Variants in NTM observed in about 807,000 individuals in gnomAD.
The protein encoded by NTM is neurotrimin.
Under a neutral mutation model 42.1 loss-of-function variants are expected in NTM, and 13 were observed. The observed-to-expected ratio is 0.31, with a 90% confidence interval of 0.20 to 0.49. The LOEUF (loss-of-function observed/expected upper bound fraction) is 0.49. Ranked by LOEUF, NTM falls within the 20% of genes least tolerant of loss-of-function variation. NTM has a pLI of 0.99. For missense variants in NTM, 373 were observed against 452.8 expected (o/e 0.82, Z 1.60); for synonymous variants, 187 against 179.2 (o/e 1.04, Z -0.35).
chr11:131,396,376 C>T (rs544983683), intron 1 of NTM, among the ~76,000 whole-genome samples: 2 of 152,294 alleles, frequency 1.3e-5, no homozygotes, highest in South Asian at 2.1e-4. Context: ...CTGCCACTTT[C>T]CTACGCACAG....
rs1428039154 is a variant in NTM, at chr11:132,069,320, T to C, written c.168-76962T>C. 9.4e-5 allele frequency among the ~76,000 whole-genome samples: 14 copies of C among 149,104 alleles called. No homozygotes were observed. In the East Asian group the frequency reaches 2.4e-3, roughly 25 times the overall value. On this transcript the variant is annotated intron_variant, in intron 2 of 8. Coordinates refer to ENST00000683400, the MANE Select transcript of NTM (RefSeq NM_001352005.2). ...AACACGTCACACTGACCATCACAGGTTAGTTAACACGTCACACAGCCAAGT... is the reference window on the plus strand; with the variant it reads ...AACACGTCACACTGACCATCACAGGCTAGTTAACACGTCACACAGCCAAGT...
chr11:131,543,821 G>A (rs1163749058), intron 1 of NTM, among the ~76,000 whole-genome samples: 2 of 152,212 alleles, frequency 1.3e-5, no homozygotes, highest in Admixed American at 6.5e-5. Flanking sequence ...GGATGGTTGT[G>A]CAGTAAGAAC....
intron 1 of NTM, among the ~76,000 whole-genome samples, chr11:131,657,597 G>C (rs1032733872): frequency 2.0e-5 from 3 of 152,178 alleles, no homozygotes; most frequent in African/African-American, 7.2e-5. Context: ...CTTGTCAATA[G>C]GATGCTATAT....
At chr11:131,425,026 C>T (rs1176207140) in intron 1 of NTM, among the ~76,000 whole-genome samples, 2 of 151,732 alleles carry the variant, frequency 1.3e-5, no homozygotes, top group Admixed American at 1.3e-4. Context: ...ATTACAGGCA[C>T]CTGCCACCAT....
intron 2 of NTM, among the ~76,000 whole-genome samples, chr11:132,011,587 C>T (rs950821133): frequency 2.6e-5 from 4 of 152,114 alleles, no homozygotes; most frequent in Non-Finnish European, 5.9e-5. Flanking sequence ...TGTACCTGAC[C>T]TTTACAAGCA....
At chr11:131,666,172 A>C (rs539838918) in intron 1 of NTM, among the ~76,000 whole-genome samples, 1 of 152,186 alleles carries the variant, frequency 6.6e-6, no homozygotes, top group African/African-American at 2.4e-5. Context: ...TCCTCAACCC[A>C]TGGTCAAGTG....
At chr11:131,839,048 C>T (rs1185955808) in intron 1 of NTM, among the ~76,000 whole-genome samples, 3 of 151,636 alleles carry the variant, frequency 2.0e-5, no homozygotes, top group Admixed American at 6.6e-5. Context: ...GCAACCTCTG[C>T]CTCCCGGGTT....
At position 131,789,427 on chromosome 11, in the gene NTM, A is replaced by G. The variant is rs201530114; in HGVS notation, c.83-122137A>G. Among the ~76,000 whole-genome samples, 2 of 17,806 alleles carry G rather than the reference A, an allele frequency of 1.1e-4. 1 individual carries two copies. Among genetic ancestry groups the G allele is most frequent in the Non-Finnish European group, 1.9e-4 (2 of 10,310 alleles). The allele number at this position is 17,806 out of a possible 152,430, so 11.7% of individuals were successfully genotyped here. A position where few individuals can be genotyped will look rare whatever the true frequency, so the allele number is the denominator to read the frequency against. On this transcript the variant is annotated intron_variant, in intron 1 of 8. Transcript: ENST00000683400. ...GCTGCAGTTAAAAGAAAAAAAGAAG[A>G]AGGAAGAAGAAGAAGAAGAAGAAGA...
chr11:132,327,083 T>C (rs1223123335), intron 7 of NTM, among the ~76,000 whole-genome samples: 1 of 152,214 alleles, frequency 6.6e-6, no homozygotes, highest in Non-Finnish European at 1.5e-5. Context: ...CAAAACAGAT[T>C]GCATGTCACC....
At chr11:131,758,576 C>T (rs1408820514) in intron 1 of NTM, among the ~76,000 whole-genome samples, 1 of 151,496 alleles carries the variant, frequency 6.6e-6, no homozygotes, top group Non-Finnish European at 1.5e-5. Context: ...TTCCTTCCTT[C>T]CTTTTTTTCT....
At chr11:131,410,959 G>A (rs115816207) in intron 1 of NTM, among the ~76,000 whole-genome samples, 14 of 152,246 alleles carry the variant, frequency 9.2e-5, no homozygotes, top group South Asian at 2.1e-4. Context: ...ACACTACAGC[G>A]TTGGTTAAGG....
At chr11:131,632,785 C>T (rs1482233574) in intron 1 of NTM, among the ~76,000 whole-genome samples, 2 of 148,208 alleles carry the variant, frequency 1.3e-5, no homozygotes, top group Non-Finnish European at 2.9e-5. Context: ...CGCCATTCTC[C>T]TGCCTCAGCC....
intron 1 of NTM, among the ~76,000 whole-genome samples, chr11:131,730,806 A>G (rs1179297626): frequency 6.6e-6 from 1 of 151,938 alleles, no homozygotes; most frequent in African/African-American, 2.4e-5. Context: ...TTTGAGAGCA[A>G]AATTCGGATT....
chr11:131,525,014 G>A (rs1436780291), intron 1 of NTM, among the ~76,000 whole-genome samples: 1 of 152,098 alleles, frequency 6.6e-6, no homozygotes, highest in Non-Finnish European at 1.5e-5. Context: ...TGTTTAAGGT[G>A]ATGGGATGTA....
rs748135701 is a variant in NTM, at chr11:132,310,258, A to AC, written c.782+30dup. The AC allele has an allele frequency of 1.9e-6, 3 of 1,548,682 alleles. No homozygotes were observed. The African/African-American group carries it at 4.2e-5, about 22-fold the overall frequency. On this transcript the variant is annotated intron_variant, in intron 6 of 8. Transcript: ENST00000683400. ...GTAAAGCTTCCTTCTTTCCTATCCCACCCCTACCCCCATCTCCAGGAGAAA... is the reference window on the plus strand; with the variant it reads ...GTAAAGCTTCCTTCTTTCCTATCCCACCCCCTACCCCCATCTCCAGGAGAAA...
At chr11:131,592,141 T>C (rs2059418716) in intron 1 of NTM, among the ~76,000 whole-genome samples, 1 of 152,206 alleles carries the variant, frequency 6.6e-6, no homozygotes, top group Non-Finnish European at 1.5e-5. Context: ...CACTTAATCC[T>C]ATTTAACTTA....
chr11:131,871,175 G>C (rs2047741529), intron 1 of NTM, among the ~76,000 whole-genome samples: 1 of 152,224 alleles, frequency 6.6e-6, no homozygotes, highest in African/African-American at 2.4e-5. Flanking sequence ...TAATCAGGGA[G>C]AACATGAAAA....
intron 3 of NTM, among the ~76,000 whole-genome samples, chr11:132,198,609 A>G (rs1048010670): frequency 6.6e-5 from 10 of 152,346 alleles, no homozygotes; most frequent in Non-Finnish European, 1.0e-4. Flanking sequence ...TGGCTAGTAG[A>G]TAGTAGATTC....
At chr11:132,057,957 C>G (rs1052750601) in intron 2 of NTM, among the ~76,000 whole-genome samples, 3 of 152,138 alleles carry the variant, frequency 2.0e-5, no homozygotes, top group Non-Finnish European at 2.9e-5. Flanking sequence ...TCCTTTTTCA[C>G]AAGTCTGTGC....
Sources: allele counts gnomAD v4.1 joint callset (sites outside exome capture counted in the v4.1 genomes callset), GRCh38; gene constraint gnomAD v4.1.1; transcripts MANE v1.5; gene names NCBI Gene and HGNC (gene_info 2026-07-23, HGNC 2026-07-21).